The following MLXIP variants were observed in gnomAD, a reference collection of about 807,000 sequenced individuals.
The protein encoded by MLXIP is MLX-interacting protein.
A neutral mutation model predicts 87.2 loss-of-function variants in MLXIP; 30 were observed. The observed-to-expected ratio is 0.34, with a 90% CI of 0.26 to 0.47. The LOEUF (loss-of-function observed/expected upper bound fraction) is 0.47, where lower values mean the gene tolerates loss of function less well. MLXIP is among the 20% of genes least tolerant of loss of function. The pLI, the probability that MLXIP is intolerant of heterozygous loss-of-function variation, is 1.00. For synonymous variants in MLXIP, 530 were observed against 514.0 expected (o/e 1.03, Z -0.42); for missense variants, 1,002 against 1,240.1 (o/e 0.81, Z 2.88).
At chr12:122,085,220 G>A (rs1206609889) in intron 1 of MLXIP, among the ~76,000 whole-genome samples, 1 of 152,080 alleles carries the variant, frequency 6.6e-6, no homozygotes, top group Non-Finnish European at 1.5e-5. Flanking sequence ...CCCCCTGGAA[G>A]GCACCCTGAT....
intron 1 of MLXIP, among the ~76,000 whole-genome samples, chr12:122,092,580 T>G (rs1297747416): frequency 6.6e-6 from 1 of 152,196 alleles, no homozygotes; most frequent in African/African-American, 2.4e-5. Flanking sequence ...GGTGATGATT[T>G]TAAGTATTCT....
intron 1 of MLXIP, among the ~76,000 whole-genome samples, chr12:122,098,374 A>T (rs1952387730): frequency 6.6e-6 from 1 of 152,164 alleles, no homozygotes; most frequent in African/African-American, 2.4e-5. Flanking sequence ...AGCAACTCAG[A>T]TTGAGGTTGG....
intron 1 of MLXIP, among the ~76,000 whole-genome samples, chr12:122,085,089 C>T (rs907304857): frequency 6.6e-6 from 1 of 152,040 alleles, no homozygotes; most frequent in Non-Finnish European, 1.5e-5. Flanking sequence ...AATGCCAGTT[C>T]CTCTCCAGAG....
rs772972987 is a variant in MLXIP at position 122,141,053 on chromosome 12, C to G, written c.2608C>G (p.Gln870Glu). Reference protein sequence around the residue: ...LHRTALSWLDQHCSLPILRPM... With the variant: ...LHRTALSWLDEHCSLPILRPM... Reference sequence around the variant, plus strand: ...CCGGACGGCGCTCTCCTGGCTGGACCAGCACTGCTCCCTGCCCATCCTCAG... The same window carrying G: ...CCGGACGGCGCTCTCCTGGCTGGACGAGCACTGCTCCCTGCCCATCCTCAG... The change falls in exon 16 of 17, where the codon CAG becomes GAG. Residue 870 changes from glutamine to glutamate, a missense_variant. Physicochemically the swap from Gln to Glu is conservative, Grantham distance 29. Transcript: ENST00000319080. 3.7e-6 allele frequency: 6 copies of G among 1,612,720 alleles called. No homozygotes were observed. The highest frequency in any genetic ancestry group is 5.1e-6 in the Non-Finnish European group (6 of 1,179,698).
chr12:122,081,907 A>C (rs1278166669), intron 1 of MLXIP, among the ~76,000 whole-genome samples: 2 of 151,334 alleles, frequency 1.3e-5, no homozygotes, highest in East Asian at 3.9e-4. Context: ...TAGCTGTCTA[A>C]CTCTCCGTGG....
intron 1 of MLXIP, among the ~76,000 whole-genome samples, chr12:122,094,141 G>A (rs1441099131): frequency 1.4e-5 from 2 of 144,158 alleles, no homozygotes; most frequent in Non-Finnish European, 3.0e-5. Context: ...TGTGTGGGGT[G>A]TGTGGGATGT....
intron 1 of MLXIP, among the ~76,000 whole-genome samples, chr12:122,107,703 G>A (rs1018952360): frequency 1.3e-5 from 2 of 152,204 alleles, no homozygotes; most frequent in African/African-American, 2.4e-5. Context: ...AGAGCTGGCA[G>A]GCAGTTGGAC....
intron 1 of MLXIP, among the ~76,000 whole-genome samples, chr12:122,089,520 T>C (rs545707598): frequency 3.3e-5 from 5 of 152,362 alleles, no homozygotes; most frequent in African/African-American, 1.2e-4. Flanking sequence ...AGCAGAAAAC[T>C]CTTTCATCCG....
At chr12:122,107,730 C>T (rs533275431) in intron 1 of MLXIP, among the ~76,000 whole-genome samples, 4 of 152,232 alleles carry the variant, frequency 2.6e-5, no homozygotes, top group East Asian at 1.9e-4. Context: ...TGCCCTCTCC[C>T]GGCTCTCCTG....
At chr12:122,107,652 A>T (rs1391215031) in intron 1 of MLXIP, among the ~76,000 whole-genome samples, 1 of 152,170 alleles carries the variant, frequency 6.6e-6, no homozygotes, top group Non-Finnish European at 1.5e-5. Context: ...TTTCCCAAAG[A>T]AAGTGAAGTT....
chr12:122,084,281 C>CCAATTACATTA (rs1202258081), intron 1 of MLXIP, among the ~76,000 whole-genome samples: 1 of 151,800 alleles, frequency 6.6e-6, no homozygotes, highest in African/African-American at 2.4e-5. Context: ...TCAAAGATTA[C>CCAATTACATTA]CAATTACATT....
At chr12:122,113,285 G>A (rs1952632012) in intron 1 of MLXIP, among the ~76,000 whole-genome samples, 1 of 151,936 alleles carries the variant, frequency 6.6e-6, no homozygotes. Context: ...TTTGAGACAG[G>A]GTCTCACTCT....
At chr12:122,090,496 C>CA (rs374603278) in intron 1 of MLXIP, among the ~76,000 whole-genome samples, 185 of 139,552 alleles carry the variant, frequency 1.3e-3, no homozygotes, top group African/African-American at 2.9e-3. Context: ...GACTCTGTCT[C>CA]AAAAAAAAAA....
In MLXIP at chr12:122,135,904, G is replaced by A. The variant is rs931566664; in HGVS notation, c.2032+238G>A. The A allele has an allele frequency of 1.8e-5, 9 of 499,438 alleles. No individual in the cohort carries two copies. Among genetic ancestry groups the A allele is most frequent in the Middle Eastern group, 5.1e-4 (1 of 1,950 alleles). The allele number at this position is 499,438 out of a possible 1,614,324, so 30.9% of individuals were successfully genotyped here. ...GAACATGTGGCAGTGTAGGTGACCC[G>A]TGTGCTCGGGGAGTCCCTGCTGACT... On this transcript the variant is annotated intron_variant, in intron 11 of 16. Transcript: ENST00000319080. This position sits in a 1 kb window ranked among gnomAD's most constrained non-coding sequence, Gnocchi z 5.3.
At chr12:122,088,519 G>C (rs773135955) in intron 1 of MLXIP, among the ~76,000 whole-genome samples, 8 of 152,184 alleles carry the variant, frequency 5.3e-5, no homozygotes, top group Non-Finnish European at 1.0e-4. Flanking sequence ...TAAGCATGAA[G>C]AATCCCAGTG....
At position 122,137,960 on chromosome 12, in the gene MLXIP, A is replaced by G. The variant is rs532947217; in HGVS notation, c.2155-234A>G. Among the ~76,000 whole-genome samples, 27 of 152,306 alleles carry G rather than the reference A, an allele frequency of 1.8e-4. No homozygotes were observed. The highest frequency in any genetic ancestry group is 3.1e-4 in the Non-Finnish European group (21 of 68,002). The stretch of plus-strand genomic sequence containing the variant: ...TGCAGCACCTGGGATGCACCGGTTC[A>G]GCCCTGCCGTTCCCAGCCCCAGCTG... On this transcript the variant is annotated intron_variant, in intron 12 of 16. Coordinates refer to ENST00000319080, the MANE Select transcript of MLXIP (RefSeq NM_014938.6). The surrounding 1 kb of genome is among the most constrained non-coding windows in gnomAD (Gnocchi z 4.1).
Position 122,142,164 on chromosome 12 carries a change from G to A in MLXIP, c.*352G>A. ...TGGCGCCGGTGAGCGGAATCGATGG[G>A]ATGAGGGTGACAGGGCCTGCTCCTG... On this transcript the variant is annotated 3_prime_UTR_variant, in exon 17 of 17. Coordinates refer to ENST00000319080, the MANE Select transcript of MLXIP (RefSeq NM_014938.6). 1 of 701,526 alleles carries A rather than the reference G, an allele frequency of 1.4e-6. No homozygotes were observed. Among genetic ancestry groups the A allele is most frequent in the Non-Finnish European group, 2.6e-6 (1 of 384,826 alleles). The allele number at this position is 701,526 out of a possible 1,614,324, so 43.5% of individuals were successfully genotyped here.
chr12:122,113,681 CTTTTTTT>C (rs1173711241), intron 1 of MLXIP, among the ~76,000 whole-genome samples: 1 of 100,700 alleles, frequency 9.9e-6, no homozygotes, highest in Non-Finnish European at 1.8e-5. Context: ...GCCTTCATTT[CTTTTTTT>C]TTTTTTTTTT....
chr12:122,123,352 C>T (rs974094722), intron 1 of MLXIP, among the ~76,000 whole-genome samples: 1 of 152,144 alleles, frequency 6.6e-6, no homozygotes, highest in Non-Finnish European at 1.5e-5. Flanking sequence ...TTGAGTTGGA[C>T]GCCCTTCTTT....
Sources: allele counts gnomAD v4.1 joint callset (sites outside exome capture counted in the v4.1 genomes callset), GRCh38; gene constraint gnomAD v4.1.1; non-coding constraint Gnocchi (gnomAD v3.1); transcripts MANE v1.5; gene names NCBI Gene and HGNC (gene_info 2026-07-23, HGNC 2026-07-21).